The following ABLIM1 variants were observed in gnomAD, a reference collection of about 807,000 sequenced individuals.
ABLIM1 encodes the protein actin binding LIM protein 1, also known as actin-binding LIM protein 1.
A neutral mutation model predicts 107.0 loss-of-function variants in ABLIM1; 40 were observed. The observed-to-expected ratio is 0.37, with a 90% CI of 0.29 to 0.49. The LOEUF (loss-of-function observed/expected upper bound fraction) is 0.49. Among genes scored for constraint, ABLIM1 ranks in the 20% least tolerant of loss-of-function variants. The probability of loss-of-function intolerance (pLI) is 0.97; values close to 1 mark genes in which losing one functional copy is unlikely to be tolerated. For missense variants in ABLIM1, 857 were observed against 1,008.5 expected (o/e 0.85, Z 2.04); for synonymous variants, 357 against 357.3 (o/e 1.00, Z 0.01).
the ABLIM1 span, among the ~76,000 whole-genome samples, chr10:114,784,141 T>G: frequency 6.9e-6 from 1 of 144,828 alleles, no homozygotes; most frequent in Non-Finnish European, 1.5e-5. Flanking sequence ...AGGTCAGGAG[T>G]TCTAGACAAG....
At chr10:114,626,259 A>G (rs1487595635) in intron 1 of ABLIM1, among the ~76,000 whole-genome samples, 1 of 152,196 alleles carries the variant, frequency 6.6e-6, no homozygotes, top group Non-Finnish European at 1.5e-5. Context: ...AGGGGCTACT[A>G]TCAAACCATA....
chr10:114,647,103 A>G (rs2079042395), intron 1 of ABLIM1, among the ~76,000 whole-genome samples: 1 of 152,108 alleles, frequency 6.6e-6, no homozygotes, highest in Admixed American at 6.5e-5. Flanking sequence ...TCAAGCAATT[A>G]TTGTGCCTCA....
At chr10:114,725,490 A>G (rs2081938459) in intron 1 of ABLIM1, among the ~76,000 whole-genome samples, 4 of 152,168 alleles carry the variant, frequency 2.6e-5, no homozygotes, top group Admixed American at 2.6e-4. Context: ...AAATTTAAAA[A>G]ACAAAGCACA....
At chr10:114,594,409 T>C (rs940702211) in intron 2 of ABLIM1, among the ~76,000 whole-genome samples, 2 of 152,180 alleles carry the variant, frequency 1.3e-5, no homozygotes, top group African/African-American at 4.8e-5. Context: ...AAGACATACA[T>C]TATAGTAAAG....
chr10:114,789,780 C>A, the ABLIM1 span, among the ~76,000 whole-genome samples: 1 of 150,202 alleles, frequency 6.7e-6, no homozygotes, highest in Non-Finnish European at 1.5e-5. Flanking sequence ...TTGTTTTTTG[C>A]ATGTATATTT....
chr10:114,512,853 AAAGAAGGAAGGAAGGAAGGAAG>A (rs1565724739), intron 6 of ABLIM1, among the ~76,000 whole-genome samples: 257 of 121,988 alleles, frequency 2.1e-3, no homozygotes, highest in Non-Finnish European at 3.2e-3. Flanking sequence ...GGAAGGAAGG[AAAGAAGGAAGGAAGGAAGGAAG>A]GAAGGAAGGA....
At chr10:114,792,515 G>T in the ABLIM1 span, among the ~76,000 whole-genome samples, 84,484 of 151,964 alleles carry the variant, frequency 0.56, 24,360 homozygotes, top group Non-Finnish European at 0.64. Flanking sequence ...AAGGAACAGA[G>T]AATTTATCCT....
chr10:114,801,055 T>G, the ABLIM1 span, among the ~76,000 whole-genome samples: 1 of 152,236 alleles, frequency 6.6e-6, no homozygotes, highest in South Asian at 2.1e-4. Context: ...ACACATTTTG[T>G]ATGGTATATA....
intron 1 of ABLIM1, among the ~76,000 whole-genome samples, chr10:114,720,185 C>T (rs2081806349): frequency 6.6e-6 from 1 of 152,110 alleles, no homozygotes; most frequent in African/African-American, 2.4e-5. Flanking sequence ...TATCCATGTC[C>T]CTGCAAATGA....
chr10:114,507,305 G>T (rs1028613587), intron 6 of ABLIM1, among the ~76,000 whole-genome samples: 4 of 152,084 alleles, frequency 2.6e-5, no homozygotes, highest in African/African-American at 9.7e-5. Context: ...ATTGAGTAGT[G>T]GTTCCAATCA....
intron 2 of ABLIM1, among the ~76,000 whole-genome samples, chr10:114,576,636 G>T (rs2072604617): frequency 6.6e-6 from 1 of 152,080 alleles, no homozygotes; most frequent in South Asian, 2.1e-4. Flanking sequence ...AGATGAACTA[G>T]GGCTTCAGTA....
chr10:114,573,115 G>A (rs2071942117), intron 3 of ABLIM1, among the ~76,000 whole-genome samples: 1 of 152,176 alleles, frequency 6.6e-6, no homozygotes, highest in African/African-American at 2.4e-5. Flanking sequence ...GCCCTTTTCA[G>A]TAATTTCCTC....
chr10:114,790,343 A>G, the ABLIM1 span, among the ~76,000 whole-genome samples: 13 of 151,354 alleles, frequency 8.6e-5, no homozygotes, highest in African/African-American at 3.2e-4. Context: ...CTCAAGAAGA[A>G]AAAACTAGTG....
At chr10:114,689,900 C>T (rs544182193), upstream of ABLIM1, among the ~76,000 whole-genome samples, 47 of 152,256 alleles carry the variant, frequency 3.1e-4, no homozygotes, top group African/African-American at 1.1e-3. Flanking sequence ...CCCTTAGCAT[C>T]TGCCACCACC....
At chr10:114,666,942 C>A (rs1223087454) in intron 1 of ABLIM1, among the ~76,000 whole-genome samples, 1 of 152,100 alleles carries the variant, frequency 6.6e-6, no homozygotes, top group Non-Finnish European at 1.5e-5. Flanking sequence ...CCAGGTATTG[C>A]CAGATGTTCA....
intron 7 of ABLIM1, among the ~76,000 whole-genome samples, chr10:114,490,830 GT>G (rs986470660): frequency 6.8e-6 from 1 of 147,404 alleles, no homozygotes; most frequent in East Asian, 2.0e-4. Context: ...TGTCTTTTTT[GT>G]TTTTTTTCTT....
At chr10:114,459,097 G>A (rs1168284091) in intron 12 of ABLIM1, among the ~76,000 whole-genome samples, 1 of 152,220 alleles carries the variant, frequency 6.6e-6, no homozygotes, top group Non-Finnish European at 1.5e-5. Flanking sequence ...CCCAGGCCTG[G>A]GTCACATGCT....
intron 1 of ABLIM1, among the ~76,000 whole-genome samples, chr10:114,640,395 C>G (rs1442720419): frequency 6.6e-6 from 1 of 152,128 alleles, no homozygotes; most frequent in Admixed American, 6.5e-5. Context: ...GGCATGGTGA[C>G]GGGTACCTGT....
intron 1 of ABLIM1, among the ~76,000 whole-genome samples, chr10:114,641,592 C>A (rs1199768238): frequency 6.6e-6 from 1 of 152,172 alleles, no homozygotes; most frequent in Non-Finnish European, 1.5e-5. Context: ...GGGGGAGAAG[C>A]TGTGGTTTTA....
Sources: allele counts gnomAD v4.1 joint callset (sites outside exome capture counted in the v4.1 genomes callset), GRCh38; gene constraint gnomAD v4.1.1; transcripts MANE v1.5; gene names NCBI Gene and HGNC (gene_info 2026-07-23, HGNC 2026-07-21).